Variants in SETD2 observed in about 807,000 individuals in gnomAD.
SETD2 encodes histone-lysine N-methyltransferase SETD2.
SETD2 carries 31 observed loss-of-function variants against 242.1 expected under a neutral mutation model. The ratio of observed to expected loss-of-function variants is 0.13; its 90% CI spans 0.10 to 0.17. The LOEUF is 0.17. Ranked by LOEUF, SETD2 falls within the 10% of genes least tolerant of loss-of-function variation. The pLI is 1.00. For missense variants in SETD2, 2,481 were observed against 3,046.3 expected (o/e 0.81, Z 4.37); for synonymous variants, 1,006 against 1,066.5 (o/e 0.94, Z 1.11).
chr3:47,154,246 T>G (rs2106834000), intron 1 of SETD2, among the ~76,000 whole-genome samples: 1 of 151,788 alleles, frequency 6.6e-6, no homozygotes, highest in Middle Eastern at 3.4e-3. Context: ...CCGTCTCTAC[T>G]AAAAATATAA....
chr3:47,095,673 T>A (rs1054303177), intron 9 of SETD2, among the ~76,000 whole-genome samples: 1 of 151,300 alleles, frequency 6.6e-6, no homozygotes, highest in Non-Finnish European at 1.5e-5. Context: ...TGTGCAAAGA[T>A]ACTAACTTTG....
At chr3:47,042,908 T>C (rs1279543960) in intron 16 of SETD2, among the ~76,000 whole-genome samples, 5 of 152,054 alleles carry the variant, frequency 3.3e-5, no homozygotes, top group African/African-American at 1.2e-4. Flanking sequence ...GCTCTAAGTT[T>C]ACCATCCAAG....
Position 47,017,872 on chromosome 3 carries a change from GT to G in SETD2, c.7432-134del. ...TCCTTTTCCTCCCTCAGGTTAACTG[GT>G]TTGGACAGTGGAATACTAGTAAGCC... On this transcript the variant is annotated intron_variant, in intron 19 of 20. Coordinates refer to ENST00000409792, the MANE Select transcript of SETD2 (RefSeq NM_014159.7). The surrounding 1 kb of genome is among the most constrained non-coding windows in gnomAD (Gnocchi z 4.8). 2 of 696,854 alleles carry G rather than the reference GT, an allele frequency of 2.9e-6. No individual in the cohort carries two copies. Among genetic ancestry groups the G allele is most frequent in the Non-Finnish European group, 2.6e-6 (1 of 384,534 alleles). 43.2% of individuals were successfully genotyped at this position (696,854 alleles called of 1,614,324 possible).
chr3:47,066,411 G>A (rs1027511507), intron 13 of SETD2, among the ~76,000 whole-genome samples: 1 of 152,088 alleles, frequency 6.6e-6, no homozygotes, highest in Non-Finnish European at 1.5e-5. Flanking sequence ...ACAGTGGCAC[G>A]ATCATGGCTC....
rs143290885 is a variant in SETD2, at chr3:47,113,599, C to T, written c.4715+277G>A. ...CCTGTAATCCCAGCACTTTGGGATG[C>T]CAAGGTGGGCGGAAAACTTGCGGTC... On this transcript the variant is annotated intron_variant, in intron 5 of 20. Coordinates refer to ENST00000409792, the MANE Select transcript of SETD2 (RefSeq NM_014159.7). 1.7e-3 allele frequency among the ~76,000 whole-genome samples: 252 copies of T among 152,164 alleles called. 2 individuals carry two copies. Among genetic ancestry groups the T allele is most frequent in the African/African-American group, 5.4e-3 (224 of 41,490 alleles).
intron 6 of SETD2, among the ~76,000 whole-genome samples, chr3:47,105,307 G>A (rs1394944818): frequency 6.7e-6 from 1 of 150,174 alleles, no homozygotes; most frequent in Non-Finnish European, 1.5e-5. Context: ...CTACTCAGAA[G>A]ACTGAGGCAC....
rs781462525 is a variant in SETD2 at position 47,124,186 on chromosome 3, A to G, written c.450T>C (p.His150=). The G allele has an allele frequency of 2.4e-5, 37 of 1,551,774 alleles. No homozygotes were observed. The East Asian group carries it at 8.5e-4, about 36-fold the overall frequency. ...TAGCCAGCAGTGGCCTGGATGTTACATGAAGCAGATGTTTCTTAAAATGAA... is the reference window on the plus strand; with the variant it reads ...TAGCCAGCAGTGGCCTGGATGTTACGTGAAGCAGATGTTTCTTAAAATGAA... ...GKIHFKKHLL[H]VTSRPLLATT... The change falls in exon 3 of 21, where the codon CAT becomes CAC. Residue 150 remains histidine (H), a synonymous_variant. Coordinates refer to ENST00000409792, the MANE Select transcript of SETD2 (RefSeq NM_014159.7).
At chr3:47,138,448 T>G (rs2043645378) in intron 1 of SETD2, among the ~76,000 whole-genome samples, 1 of 151,176 alleles carries the variant, frequency 6.6e-6, no homozygotes, top group African/African-American at 2.4e-5. Context: ...TGAGATGAAA[T>G]TTCACTCTTG....
intron 10 of SETD2, among the ~76,000 whole-genome samples, chr3:47,086,897 G>A (rs1280671926): frequency 2.6e-5 from 4 of 151,822 alleles, no homozygotes; most frequent in Non-Finnish European, 5.9e-5. Flanking sequence ...AAAATTAGCT[G>A]GATGTGGTGG....
intron 1 of SETD2, among the ~76,000 whole-genome samples, chr3:47,141,677 A>C (rs958069358): frequency 3.3e-5 from 5 of 152,222 alleles, no homozygotes; most frequent in Non-Finnish European, 5.9e-5. Flanking sequence ...AAAAATAAAA[A>C]AATGTGTGGG....
At chr3:47,141,679 AT>A (rs1370795181) in intron 1 of SETD2, among the ~76,000 whole-genome samples, 2 of 152,220 alleles carry the variant, frequency 1.3e-5, no homozygotes, top group Non-Finnish European at 2.9e-5. Context: ...AAATAAAAAA[AT>A]GTGTGGGCTG....
intron 5 of SETD2, among the ~76,000 whole-genome samples, chr3:47,109,553 T>C (rs2042570573): frequency 2.6e-5 from 4 of 151,686 alleles, no homozygotes; most frequent in Middle Eastern, 3.2e-3. Context: ...GAGGCTAAGG[T>C]TGGGGGATCA....
intron 10 of SETD2, among the ~76,000 whole-genome samples, chr3:47,087,638 C>G (rs182801014): frequency 6.6e-6 from 1 of 152,098 alleles, no homozygotes; most frequent in East Asian, 1.9e-4. Flanking sequence ...ATGGTACAAG[C>G]TTTGAAAGTC....
In SETD2 at chr3:47,124,051, T is replaced by A. The variant is rs1575819637; in HGVS notation, c.585A>T (p.Pro195=). 2 of 1,551,714 alleles carry A rather than the reference T, an allele frequency of 1.3e-6. No homozygotes were observed. The highest frequency in any genetic ancestry group is 1.7e-6 in the Non-Finnish European group (2 of 1,146,972). The part of the protein sequence containing the change: ...SPPSSPPPPP[P]PAQATTLSSP... ...ATGAGAGTGTTGTGGCTTGGGCAGG[T>A]GGAGGCGGTGGAGGCGGAGATGAGG... is the stretch of plus-strand genomic sequence containing the variant. Residue 195 remains proline (P), a synonymous_variant, in exon 3 of 21, where the codon CCA becomes CCT. Coordinates refer to ENST00000409792, the MANE Select transcript of SETD2 (RefSeq NM_014159.7).
At chr3:47,112,328 A>G (rs1575795384) in intron 5 of SETD2, among the ~76,000 whole-genome samples, 1 of 151,714 alleles carries the variant, frequency 6.6e-6, no homozygotes, top group African/African-American at 2.4e-5. Context: ...GTCACCCAGG[A>G]TGGAGTACAA....
intron 19 of SETD2, 147 bp downstream of exon 19, chr3:47,019,613 G>C (rs2038129778): frequency 3.1e-6 from 2 of 644,190 alleles, no homozygotes; most frequent in Non-Finnish European, 5.5e-6. Context: ...GCTAAAAGAA[G>C]CACTTCAGCA....
chr3:47,065,790 T>C (rs2040532969), intron 13 of SETD2, among the ~76,000 whole-genome samples: 1 of 152,144 alleles, frequency 6.6e-6, no homozygotes, highest in Non-Finnish European at 1.5e-5. Flanking sequence ...CATGACAGAA[T>C]AAGACACTGT....
intron 5 of SETD2, among the ~76,000 whole-genome samples, chr3:47,113,233 G>A (rs532094528): frequency 1.3e-4 from 19 of 151,802 alleles, no homozygotes; most frequent in South Asian, 2.1e-4. Flanking sequence ...TTCCCATAGC[G>A]CTGAGATTAC....
upstream of SETD2, among the ~76,000 whole-genome samples, chr3:47,164,339 T>C (rs1241916378): frequency 2.0e-5 from 3 of 151,372 alleles, no homozygotes; most frequent in African/African-American, 7.3e-5. This position sits in a 1 kb window ranked among gnomAD's most constrained non-coding sequence, Gnocchi z 5.4. Context: ...CCGGCCCCAG[T>C]GATGTGGGCC....
Sources: gnomAD v4.1 joint callset for allele counts (sites outside exome capture counted in the v4.1 genomes callset) on GRCh38, gnomAD v4.1.1 for gene constraint, Gnocchi (gnomAD v3.1) non-coding constraint, MANE v1.5 for transcripts, NCBI Gene and HGNC (gene_info 2026-07-23, HGNC 2026-07-21) for gene names.